Variants in TLCD4 observed in about 807,000 individuals in gnomAD.
The protein encoded by TLCD4 is TLC domain-containing protein 4.
TLCD4 carries 7 observed loss-of-function variants against 24.2 expected under a neutral mutation model. The observed-to-expected ratio is 0.29, with a 90% CI of 0.16 to 0.54. The LOEUF (loss-of-function observed/expected upper bound fraction) is 0.54, where lower values mean the gene tolerates loss of function less well. TLCD4 is among the 20% of genes least tolerant of loss of function. The pLI is 0.95. For synonymous variants in TLCD4, 103 were observed against 106.4 expected, an observed-to-expected ratio of 0.97 and a Z score of 0.20; for missense variants, 259 against 313.9, an observed-to-expected ratio of 0.82 and a Z score of 1.32.
chr1:95,156,644 G>C (rs1029281000), intron 5 of TLCD4, among the ~76,000 whole-genome samples: 2 of 152,144 alleles, frequency 1.3e-5, no homozygotes, highest in Non-Finnish European at 2.9e-5. Flanking sequence ...AGCTAATTTT[G>C]ATGGTTATAG....
chr1:95,115,086 C>T (rs1025417826), upstream of TLCD4, among the ~76,000 whole-genome samples: 2 of 80,338 alleles, frequency 2.5e-5, no homozygotes, highest in African/African-American at 3.5e-5. Context: ...TATATATACA[C>T]ATTATATATA....
At chr1:95,191,516 T>C in intron 6 of TLCD4, 34 bp from the exon 7 acceptor site, 1 of 1,580,092 alleles carries the variant, frequency 6.3e-7, no homozygotes, top group African/African-American at 1.4e-5. Flanking sequence ...AGAGATGCAC[T>C]ATAAATGTGA....
chr1:95,111,668 G>A, the TLCD4 span, among the ~76,000 whole-genome samples: 2 of 152,220 alleles, frequency 1.3e-5, no homozygotes, highest in African/African-American at 4.8e-5. Flanking sequence ...GTGCTTGGAG[G>A]AAACTTAGCA....
At chr1:95,126,181 C>G (rs1676729046) in intron 1 of TLCD4, among the ~76,000 whole-genome samples, 1 of 151,728 alleles carries the variant, frequency 6.6e-6, no homozygotes, top group African/African-American at 2.4e-5. Flanking sequence ...AATCCCAGCA[C>G]TTTGGGAGGC....
intron 6 of TLCD4, among the ~76,000 whole-genome samples, chr1:95,175,786 T>C (rs924207636): frequency 3.9e-5 from 6 of 152,050 alleles, no homozygotes; most frequent in Non-Finnish European, 7.4e-5. Context: ...CTTTTCTTTT[T>C]TTTTTTGGAT....
chr1:95,134,815 G>A (rs1677000183), intron 1 of TLCD4, among the ~76,000 whole-genome samples: 1 of 152,186 alleles, frequency 6.6e-6, no homozygotes, highest in African/African-American at 2.4e-5. Flanking sequence ...TGCTGCTGGA[G>A]GTGGATGATG....
chr1:95,176,911 G>A (rs900081407), intron 6 of TLCD4, among the ~76,000 whole-genome samples: 1 of 152,196 alleles, frequency 6.6e-6, no homozygotes, highest in Non-Finnish European at 1.5e-5. Flanking sequence ...TCCCCATTGT[G>A]TAGTCTTGGT....
chr1:95,188,406 A>AAT (rs1335755186), intron 6 of TLCD4, among the ~76,000 whole-genome samples: 1 of 151,656 alleles, frequency 6.6e-6, no homozygotes, highest in East Asian at 1.9e-4. Flanking sequence ...AAAAAAAAAA[A>AAT]AAAGAATTTA....
chr1:95,125,003 T>G (rs533288019), intron 1 of TLCD4, among the ~76,000 whole-genome samples: 9 of 151,816 alleles, frequency 5.9e-5, no homozygotes, highest in South Asian at 2.1e-4. Context: ...TAATAGGTTA[T>G]ACAGTGTGAG....
intron 1 of TLCD4, among the ~76,000 whole-genome samples, chr1:95,130,582 G>A (rs960193826): frequency 1.6e-4 from 25 of 152,314 alleles, no homozygotes; most frequent in African/African-American, 6.0e-4. Flanking sequence ...GTGTAGGATG[G>A]TATGCCTTTT....
At chr1:95,156,522 T>C (rs1201598028) in intron 5 of TLCD4, among the ~76,000 whole-genome samples, 1 of 152,146 alleles carries the variant, frequency 6.6e-6, no homozygotes, top group Non-Finnish European at 1.5e-5. Flanking sequence ...CTTGATACAA[T>C]TGGCATGTTA....
the TLCD4 span, among the ~76,000 whole-genome samples, chr1:95,098,965 G>A: frequency 6.9e-6 from 1 of 145,722 alleles, no homozygotes; most frequent in Non-Finnish European, 1.5e-5. Flanking sequence ...GGAGGCTGAG[G>A]CAGGAGAATC....
intron 5 of TLCD4, among the ~76,000 whole-genome samples, chr1:95,152,147 G>A (rs1331011277): frequency 6.6e-6 from 1 of 151,914 alleles, no homozygotes; most frequent in African/African-American, 2.4e-5. Context: ...CTTTTAAAGT[G>A]AATCTATTCA....
At chr1:95,149,056 A>T (rs901542337) in intron 3 of TLCD4, among the ~76,000 whole-genome samples, 5 of 152,252 alleles carry the variant, frequency 3.3e-5, no homozygotes, top group African/African-American at 1.2e-4. Context: ...TACTGTGTTA[A>T]TGAGTAAAGC....
At chr1:95,134,462 C>A (rs114104403) in intron 1 of TLCD4, among the ~76,000 whole-genome samples, 2,838 of 152,200 alleles carry the variant, frequency 0.019, 38 homozygotes, top group Middle Eastern at 0.031. Flanking sequence ...AGAGGCTGGG[C>A]AGCTGCTATT....
the TLCD4 span, among the ~76,000 whole-genome samples, chr1:95,111,760 C>T: frequency 6.6e-6 from 1 of 152,190 alleles, no homozygotes; most frequent in Non-Finnish European, 1.5e-5. Flanking sequence ...GTTCACTAGG[C>T]TCTTGGACCC....
At chr1:95,186,103 G>A (rs1286965628) in intron 6 of TLCD4, among the ~76,000 whole-genome samples, 2 of 152,252 alleles carry the variant, frequency 1.3e-5, no homozygotes, top group South Asian at 2.1e-4. Context: ...AAAGATTGGT[G>A]GGTAATGATA....
intron 5 of TLCD4, among the ~76,000 whole-genome samples, chr1:95,166,979 C>A (rs1467180313): frequency 4.6e-5 from 7 of 152,108 alleles, no homozygotes; most frequent in African/African-American, 1.4e-4. Context: ...AAGCGATCCT[C>A]CTGCCTCAAC....
At position 95,196,418 on chromosome 1, in the gene TLCD4, G is replaced by A. The variant is rs1487986794; in HGVS notation, c.*4550G>A. 1 of 152,124 alleles carries A rather than the reference G, an allele frequency of 6.6e-6. No individual in the cohort carries two copies. Among genetic ancestry groups the A allele is most frequent in the Non-Finnish European group, 1.5e-5 (1 of 68,022 alleles). 9.4% of individuals were successfully genotyped at this position (152,124 alleles called of 1,614,324 possible). The stretch of plus-strand genomic sequence containing the variant: ...TGAAAACAAATTTACCAGCAACTGC[G>A]TTACTTGGTGTTTTCCAAAGTACAA... On this transcript the variant is annotated 3_prime_UTR_variant, in exon 7 of 7. Transcript: ENST00000370203.
Sources: gnomAD v4.1 joint callset for allele counts (sites outside exome capture counted in the v4.1 genomes callset) on GRCh38, gnomAD v4.1.1 for gene constraint, MANE v1.5 for transcripts, NCBI Gene and HGNC (gene_info 2026-07-23, HGNC 2026-07-21) for gene names.